Variants in ABHD2 observed in about 807,000 individuals in gnomAD.
The protein encoded by ABHD2 is abhydrolase domain containing 2, acylglycerol lipase.
In ABHD2, 20 loss-of-function variants were observed where a neutral mutation model predicts 48.1. That is an observed-to-expected ratio of 0.42 (90% CI 0.29 to 0.60). ABHD2 has a LOEUF of 0.60. ABHD2 is among the 20% of genes least tolerant of loss of function. ABHD2 has a pLI of 0.24. For missense variants in ABHD2, 405 were observed against 550.9 expected (o/e 0.74, Z 2.65); for synonymous variants, 209 against 214.2 (o/e 0.98, Z 0.21).
intron 5 of ABHD2, among the ~76,000 whole-genome samples, chr15:89,162,098 T>C (rs950430112): frequency 6.6e-6 from 1 of 152,188 alleles, no homozygotes; most frequent in Non-Finnish European, 1.5e-5. Flanking sequence ...ATTACATCTT[T>C]AAAAGCCTTA....
rs144675684 is a variant in ABHD2, at chr15:89,186,642, C to T, written c.815+1126C>T. Among the ~76,000 whole-genome samples the T allele has an allele frequency of 2.7e-3, 410 of 152,268 alleles. 3 individuals are homozygous for T. Among genetic ancestry groups the T allele is most frequent in the African/African-American group, 9.0e-3 (373 of 41,542 alleles). On this transcript the variant is annotated intron_variant, in intron 7 of 10. Coordinates refer to ENST00000352732, the MANE Select transcript of ABHD2 (RefSeq NM_152924.5). This position sits in a 1 kb window ranked among gnomAD's most constrained non-coding sequence, Gnocchi z 4.3. Reference sequence around the variant, plus strand: ...TTTTGCTTCCCCTCTGTAAATCCTACGTCTAGAACCAAACTGGAGAGCGTT... The same window carrying T: ...TTTTGCTTCCCCTCTGTAAATCCTATGTCTAGAACCAAACTGGAGAGCGTT...
chr15:89,151,141 C>G lies in ABHD2; in HGVS notation c.195-536C>G, dbSNP rs1274179376. Among the ~76,000 whole-genome samples, 1 of 152,214 alleles carries G rather than the reference C, an allele frequency of 6.6e-6. No homozygotes were observed. Among genetic ancestry groups the G allele is most frequent in the Non-Finnish European group, 1.5e-5 (1 of 68,038 alleles). On this transcript the variant is annotated intron_variant, in intron 3 of 10. Coordinates refer to ENST00000352732, the MANE Select transcript of ABHD2 (RefSeq NM_152924.5). This position sits in a 1 kb window ranked among gnomAD's most constrained non-coding sequence, Gnocchi z 4.7. Reference sequence around the variant, plus strand: ...TCTGGAGCATAGAGTAGTGCCCTCACCCCACAAGGCACTTACAGGCTCTTA... The same window carrying G: ...TCTGGAGCATAGAGTAGTGCCCTCAGCCCACAAGGCACTTACAGGCTCTTA...
the ABHD2 span, among the ~76,000 whole-genome samples, chr15:89,070,983 C>G: frequency 6.6e-6 from 1 of 152,094 alleles, no homozygotes; most frequent in South Asian, 2.1e-4. Flanking sequence ...AGTGTGCCCC[C>G]CGCTTGCTCT....
At chr15:89,183,686 A>T (rs1360648906) in intron 6 of ABHD2, among the ~76,000 whole-genome samples, 1 of 151,324 alleles carries the variant, frequency 6.6e-6, no homozygotes, top group Non-Finnish European at 1.5e-5. Context: ...ATAAAAAAAA[A>T]TCAAGGGCTG....
the ABHD2 span, among the ~76,000 whole-genome samples, chr15:89,069,339 GCTGGCCTCAAACTC>G: frequency 1.3e-5 from 2 of 151,620 alleles, no homozygotes; most frequent in African/African-American, 4.8e-5. Flanking sequence ...TTTTTCCAAG[GCTGGCCTCAAACTC>G]CTGGCCTCAA....
intron 3 of ABHD2, among the ~76,000 whole-genome samples, chr15:89,139,220 G>T (rs540333796): frequency 6.6e-6 from 1 of 152,154 alleles, no homozygotes; most frequent in Non-Finnish European, 1.5e-5. Flanking sequence ...CTAAAAATAA[G>T]TAAATAAATA....
At chr15:89,127,737 ATATG>A (rs1567080187) in intron 3 of ABHD2, among the ~76,000 whole-genome samples, 52 of 141,792 alleles carry the variant, frequency 3.7e-4, no homozygotes, top group African/African-American at 8.7e-4. Context: ...ATATATATAT[ATATG>A]TATATTTTAA....
chr15:89,158,051 T>C (rs1025600632), intron 5 of ABHD2, among the ~76,000 whole-genome samples: 10 of 151,882 alleles, frequency 6.6e-5, no homozygotes, highest in African/African-American at 1.7e-4. Context: ...TGGGGAGGCA[T>C]GGCTTGGCTG....
the ABHD2 span, among the ~76,000 whole-genome samples, chr15:89,043,907 T>A: frequency 7.9e-5 from 12 of 152,240 alleles, no homozygotes; most frequent in South Asian, 1.7e-3. Flanking sequence ...TTTTTAATTT[T>A]TTATTATTAT....
upstream of ABHD2, among the ~76,000 whole-genome samples, chr15:89,083,492 G>T (rs941786632): frequency 6.6e-6 from 1 of 152,220 alleles, no homozygotes; most frequent in South Asian, 2.1e-4. The surrounding 1 kb of genome is among the most constrained non-coding windows in gnomAD (Gnocchi z 5.1). Flanking sequence ...GCGCGTGCAC[G>T]TGCGTGTATG....
At chr15:89,169,795 A>C (rs2050891335) in intron 5 of ABHD2, among the ~76,000 whole-genome samples, 1 of 152,080 alleles carries the variant, frequency 6.6e-6, no homozygotes, top group Non-Finnish European at 1.5e-5. Context: ...AACTGGTTAG[A>C]TTCATATTTA....
the ABHD2 span, among the ~76,000 whole-genome samples, chr15:89,076,248 G>A: frequency 8.5e-5 from 13 of 152,158 alleles, no homozygotes; most frequent in Non-Finnish European, 1.8e-4. Context: ...AAAGTACAGT[G>A]AAGTCCAGGT....
intron 1 of ABHD2, among the ~76,000 whole-genome samples, chr15:89,112,751 CTCTT>C (rs1185735385): frequency 1.3e-5 from 2 of 152,336 alleles, no homozygotes; most frequent in Admixed American, 6.5e-5. Context: ...TTGCTTGCCT[CTCTT>C]TCTTTCTCAC....
chr15:89,122,890 G>A (rs1053137840), intron 3 of ABHD2, among the ~76,000 whole-genome samples: 3 of 152,230 alleles, frequency 2.0e-5, no homozygotes, highest in Non-Finnish European at 2.9e-5. Context: ...CTAATAGGCC[G>A]AAAAACAGAG....
In ABHD2 at chr15:89,122,767, T is replaced by C. The variant is rs112008834; in HGVS notation, c.194+6246T>C. Among the ~76,000 whole-genome samples the C allele has an allele frequency of 1.7e-3, 265 of 152,346 alleles. 3 individuals are homozygous for C. Among genetic ancestry groups the C allele is most frequent in the African/African-American group, 6.2e-3 (256 of 41,584 alleles). On this transcript the variant is annotated intron_variant, in intron 3 of 10. Coordinates refer to ENST00000352732, the MANE Select transcript of ABHD2 (RefSeq NM_152924.5). ...AAGCCTGCTATTAAAATGTACATAC[T>C]GCCCTGTGGGAAGCCAGGCTGCTGC...
rs1275108821 is a variant in ABHD2 at position 89,091,375 on chromosome 15, A to C, written c.-107+2812A>C. On this transcript the variant is annotated intron_variant, in intron 1 of 10. Transcript: ENST00000352732. The surrounding 1 kb of genome is among the most constrained non-coding windows in gnomAD (Gnocchi z 5.5). The stretch of plus-strand genomic sequence containing the variant: ...GATTCTGAATTTCGGTTTTTGTTTA[A>C]GCTGTTCTAGAGATCAGCCATTTTA... Among the ~76,000 whole-genome samples the C allele has an allele frequency of 6.6e-6, 1 of 152,122 alleles. No homozygotes were observed. Among genetic ancestry groups the C allele is most frequent in the African/African-American group, 2.4e-5 (1 of 41,426 alleles).
rs117875077 is a variant in ABHD2, at chr15:89,091,528, C to T, written c.-107+2965C>T. Among the ~76,000 whole-genome samples the T allele has an allele frequency of 0.018, 2,804 of 152,222 alleles. 19 individuals carry two copies. Among genetic ancestry groups the T allele is most frequent in the Middle Eastern group, 0.041 (12 of 294 alleles). The stretch of plus-strand genomic sequence containing the variant: ...TGTTACTCGTTGCTTTAAGCATTTA[C>T]GCCTTTTCCTGGTAATCTCCGGCAG... On this transcript the variant is annotated intron_variant, in intron 1 of 10. Transcript: ENST00000352732. The surrounding 1 kb of genome is among the most constrained non-coding windows in gnomAD (Gnocchi z 5.5).
At chr15:89,178,479 G>A (rs2051053586) in intron 6 of ABHD2, among the ~76,000 whole-genome samples, 1 of 152,200 alleles carries the variant, frequency 6.6e-6, no homozygotes, top group Admixed American at 6.5e-5. Context: ...CATGCGTCTG[G>A]TAAATCTCTC....
intron 3 of ABHD2, among the ~76,000 whole-genome samples, chr15:89,143,572 C>T (rs2050441413): frequency 6.6e-6 from 1 of 151,856 alleles, no homozygotes; most frequent in South Asian, 2.1e-4. Flanking sequence ...GAGGCTTAGG[C>T]AGGAGAATCG....
Sources: allele counts gnomAD v4.1 joint callset (sites outside exome capture counted in the v4.1 genomes callset), GRCh38; gene constraint gnomAD v4.1.1; non-coding constraint Gnocchi (gnomAD v3.1); transcripts MANE v1.5; gene names NCBI Gene and HGNC (gene_info 2026-07-23, HGNC 2026-07-21).